The following CLTC variants were observed in gnomAD, a reference collection of about 807,000 sequenced individuals.
CLTC encodes the protein clathrin heavy chain 1.
Under a neutral mutation model 195.8 loss-of-function variants are expected in CLTC, and 16 were observed. That is an observed-to-expected ratio of 0.08 (90% CI 0.06 to 0.12). CLTC has a LOEUF of 0.12. CLTC is among the 10% of genes least tolerant of loss of function. CLTC has a pLI of 1.00. For synonymous variants in CLTC, 667 were observed against 689.4 expected (o/e 0.97, Z 0.51); for missense variants, 796 against 2,027.0 (o/e 0.39, Z 11.66).
chr17:59,669,141 C>T (rs1433138671), intron 14 of CLTC, among the ~76,000 whole-genome samples: 1 of 151,608 alleles, frequency 6.6e-6, no homozygotes, highest in Non-Finnish European at 1.5e-5. Context: ...GTAAGAATGA[C>T]CATCTGTTTA....
chr17:59,673,678 T>C lies in CLTC; in HGVS notation c.2324T>C (p.Ile775Thr). ...AAACTAACAGATCAGCTACCACTTATCATTGTGTGTGATCGATTTGACTTT... is the reference window on the plus strand; with the variant it reads ...AAACTAACAGATCAGCTACCACTTACCATTGTGTGTGATCGATTTGACTTT... ...EAKLTDQLPL[I>T]IVCDRFDFVH... Residue 775 changes from isoleucine (I) to threonine (T), a missense_variant, in exon 15 of 32, where the codon ATC (isoleucine) becomes ACC (threonine). Transcript: ENST00000269122. 6.2e-7 allele frequency: 1 copy of C among 1,611,628 alleles called. No homozygotes were observed. Among genetic ancestry groups the C allele is most frequent in the Non-Finnish European group, 8.5e-7 (1 of 1,178,034 alleles).
chr17:59,690,584 TAGG>T, intron 30 of CLTC, 49 bp from the exon 31 acceptor site: 1 of 1,310,272 alleles, frequency 7.6e-7, no homozygotes, highest in South Asian at 1.2e-5. Context: ...GCCATAAACC[TAGG>T]TTTATAATAC....
Position 59,656,666 on chromosome 17 carries a change from A to ATT in CLTC, c.969+660_969+661dup, listed in dbSNP as rs55669818. ...CTTTATCTGTCATCTTATTATTTTA[A>ATT]TTTTTTTTTTTTTTTTTTTTTTCTT... On this transcript the variant is annotated intron_variant, in intron 6 of 31. Coordinates refer to ENST00000269122, the MANE Select transcript of CLTC (RefSeq NM_004859.4). Among the ~76,000 whole-genome samples the ATT allele has an allele frequency of 1.7e-3, 166 of 96,198 alleles. 2 individuals are homozygous for ATT. Among genetic ancestry groups the ATT allele is most frequent in the African/African-American group, 4.7e-3 (137 of 28,920 alleles). 63.1% of individuals were successfully genotyped at this position (96,198 alleles called of 152,430 possible). A position where few individuals can be genotyped will look rare whatever the true frequency, so the allele number is the denominator to read the frequency against.
At chr17:59,687,278 T>C (rs2033204502) in intron 30 of CLTC, 1 of 152,208 alleles carries the variant, frequency 6.6e-6, no homozygotes, top group Non-Finnish European at 1.5e-5. Flanking sequence ...CTCTCTTAAA[T>C]ATATTATGAA....
chr17:59,677,273 T>C, intron 17 of CLTC, 85 bp downstream of exon 17: 2 of 982,550 alleles, frequency 2.0e-6, no homozygotes, highest in South Asian at 1.5e-5. Context: ...TTAGGTAATA[T>C]GGGACATTTG....
intron 14 of CLTC, among the ~76,000 whole-genome samples, chr17:59,671,800 C>G (rs950154942): frequency 2.0e-5 from 3 of 152,212 alleles, no homozygotes; most frequent in African/African-American, 7.2e-5. Flanking sequence ...CTACTATTCT[C>G]TCATGACCTT....
chr17:59,639,028 T>C (rs574608518), intron 1 of CLTC, among the ~76,000 whole-genome samples: 6 of 152,352 alleles, frequency 3.9e-5, no homozygotes, highest in African/African-American at 1.4e-4. Context: ...TTTAATTGCC[T>C]TTTTAGATCC....
Position 59,695,187 on chromosome 17 carries a change from G to C in CLTC, c.*1335G>C, listed in dbSNP as rs1357308299. The C allele has an allele frequency of 5.0e-6, 1 of 200,078 alleles. No homozygotes were observed. The highest frequency in any genetic ancestry group is 2.3e-5 in the African/African-American group (1 of 43,452). The allele number at this position is 200,078 out of a possible 1,614,324, so 12.4% of individuals were successfully genotyped here. A position where few individuals can be genotyped will look rare whatever the true frequency, so the allele number is the denominator to read the frequency against. ...GTATCTTGATTTTTTTCAAAAATTG[G>C]TTGTGTGAATCCAGCTCTTGCTTAT... On this transcript the variant is annotated 3_prime_UTR_variant, in exon 32 of 32. Coordinates refer to ENST00000269122, the MANE Select transcript of CLTC (RefSeq NM_004859.4).
Position 59,653,166 on chromosome 17 carries a change from T to C in CLTC, c.795+1850T>C, listed in dbSNP as rs145769577. On this transcript the variant is annotated intron_variant, in intron 5 of 31. Coordinates refer to ENST00000269122, the MANE Select transcript of CLTC (RefSeq NM_004859.4). ...AGCTGGTTGGATCTTTTATTTTATT[T>C]ATTTGTTTATTTATTTATTTATTTA... Among the ~76,000 whole-genome samples, 860 of 151,328 alleles carry C rather than the reference T, an allele frequency of 5.7e-3. 8 individuals carry two copies. The highest frequency in any genetic ancestry group is 0.02 in the African/African-American group (815 of 41,394).
At position 59,666,418 on chromosome 17, in the gene CLTC, G is replaced by C; in HGVS notation, c.1783-62G>C. On this transcript the variant is annotated intron_variant, in intron 11 of 31. Transcript: ENST00000269122. The surrounding 1 kb of genome is among the most constrained non-coding windows in gnomAD (Gnocchi z 4.9). ...CTATTAAACCTTAATCTGTAATACG[G>C]ATATTGAATTACTCATGTAAGTGGA... 1.3e-6 allele frequency: 2 copies of C among 1,561,460 alleles called. No individual in the cohort carries two copies. The highest frequency in any genetic ancestry group is 1.7e-6 in the Non-Finnish European group (2 of 1,143,840).
chr17:59,650,432 T>C (rs2032300181), intron 4 of CLTC, among the ~76,000 whole-genome samples: 1 of 151,964 alleles, frequency 6.6e-6, no homozygotes. Flanking sequence ...TTCTATACCA[T>C]TTATTTCAGG....
intron 10 of CLTC, among the ~76,000 whole-genome samples, chr17:59,665,849 AAAAT>A: frequency 6.6e-6 from 1 of 152,312 alleles, no homozygotes; most frequent in African/African-American, 2.4e-5. Flanking sequence ...TCAAAAAAAT[AAAAT>A]AAATAAATAA....
chr17:59,626,125 A>G (rs2031543593), intron 1 of CLTC, among the ~76,000 whole-genome samples: 1 of 152,172 alleles, frequency 6.6e-6, no homozygotes, highest in Admixed American at 6.5e-5. Context: ...GCAGATGAGG[A>G]ACTGTGTTAG....
At chr17:59,655,674 G>A (rs914151318) in intron 5 of CLTC, among the ~76,000 whole-genome samples, 180 bp from the exon 6 acceptor site, 1 of 152,048 alleles carries the variant, frequency 6.6e-6, no homozygotes, top group South Asian at 2.1e-4. Flanking sequence ...TAAGAGCTTG[G>A]GATATCCATA....
chr17:59,684,268 TTAAC>T, intron 28 of CLTC: 1 of 286,316 alleles, frequency 3.5e-6, no homozygotes, highest in Non-Finnish European at 6.5e-6. Flanking sequence ...CTTTGACCAC[TTAAC>T]TAATTCATAA....
chr17:59,678,015 A>G (rs1230200805), intron 17 of CLTC, among the ~76,000 whole-genome samples: 1 of 152,114 alleles, frequency 6.6e-6, no homozygotes, highest in Non-Finnish European at 1.5e-5. Flanking sequence ...GCCCCTGACA[A>G]CCACCAGACT....
chr17:59,641,999 G>GTTT (rs398031234), intron 1 of CLTC, among the ~76,000 whole-genome samples: 34 of 128,690 alleles, frequency 2.6e-4, no homozygotes, highest in African/African-American at 9.3e-4. Context: ...AATCTTTGTT[G>GTTT]TTTTTTTTTT....
intron 1 of CLTC, among the ~76,000 whole-genome samples, chr17:59,637,305 C>T (rs1296119000): frequency 6.6e-6 from 1 of 151,542 alleles, no homozygotes; most frequent in Non-Finnish European, 1.5e-5. Context: ...AGTGCAGTGG[C>T]ACAATCTCGG....
chr17:59,679,545 C>T (rs750770590), intron 18 of CLTC, 26 bp downstream of exon 18: 1 of 1,538,134 alleles, frequency 6.5e-7, no homozygotes, highest in South Asian at 1.3e-5. Context: ...GTGTTTATGG[C>T]TGTCAGTAAA....
Sources: allele counts gnomAD v4.1 joint callset (sites outside exome capture counted in the v4.1 genomes callset), GRCh38; gene constraint gnomAD v4.1.1; non-coding constraint Gnocchi (gnomAD v3.1); transcripts MANE v1.5; gene names NCBI Gene and HGNC (gene_info 2026-07-23, HGNC 2026-07-21).